KLF13: variants seen among roughly 807,000 people sequenced by gnomAD.
The protein encoded by KLF13 is Krueppel-like factor 13.
Under a neutral mutation model 16.7 loss-of-function variants are expected in KLF13, and 8 were observed. The observed-to-expected ratio is 0.48, with a 90% CI of 0.28 to 0.87. The LOEUF (loss-of-function observed/expected upper bound fraction) is 0.87, where lower values mean the gene tolerates loss of function less well. KLF13 is among the 40% of genes least tolerant of loss of function. The pLI is 0.10. For synonymous variants in KLF13, 245 were observed against 208.4 expected (o/e 1.18, Z -1.51); for missense variants, 447 against 452.2 (o/e 0.99, Z 0.10).
intron 1 of KLF13, among the ~76,000 whole-genome samples, chr15:31,410,387 C>A (rs1375815484): frequency 6.6e-6 from 1 of 151,690 alleles, no homozygotes; most frequent in Non-Finnish European, 1.5e-5. Context: ...AGATTTTAAT[C>A]AAAATCTATC....
intron 1 of KLF13, among the ~76,000 whole-genome samples, chr15:31,337,863 C>G (rs1202241955): frequency 1.3e-5 from 2 of 152,170 alleles, no homozygotes; most frequent in Admixed American, 6.5e-5. Context: ...TCTGGGTAAG[C>G]CTGAGGGGCT....
In KLF13 at chr15:31,353,724, G is replaced by C. The variant is rs534171473; in HGVS notation, c.578-18286G>C. Among the ~76,000 whole-genome samples, 91 of 152,318 alleles carry C rather than the reference G, an allele frequency of 6.0e-4. 1 individual carries two copies. In the Middle Eastern group the frequency reaches 0.01, roughly 17 times the overall value. On this transcript the variant is annotated intron_variant, in intron 1 of 1. Transcript: ENST00000307145. ...AGGGGGGCTGTGGTGGCTGTGGCCAGAGTTCCAACAGTGAGCTGGCAGGGC... is the reference window on the plus strand; with the variant it reads ...AGGGGGGCTGTGGTGGCTGTGGCCACAGTTCCAACAGTGAGCTGGCAGGGC...
rs2040350982 is a variant in KLF13 at position 31,423,102 on chromosome 15, TATAC to T, written n.118-12267_118-12264del. ...TTACATATATATACGTATATATACG[TATAC>T]GTATACGTATATATACGTATATATA... On this transcript the variant is annotated intron_variant and non_coding_transcript_variant, in intron 1 of 1. Coordinates refer to the KLF13 transcript ENST00000558225. Among the ~76,000 whole-genome samples the T allele has an allele frequency of 2.2e-5, 2 of 90,216 alleles. 1 individual carries two copies. The highest frequency in any genetic ancestry group is 4.9e-5 in the Non-Finnish European group (2 of 40,966). 59.2% of individuals were successfully genotyped at this position (90,216 alleles called of 152,430 possible).
At chr15:31,412,981 A>C (rs540635276) in intron 1 of KLF13, among the ~76,000 whole-genome samples, 3 of 152,236 alleles carry the variant, frequency 2.0e-5, no homozygotes, top group African/African-American at 7.2e-5. Context: ...CTTAGACCTC[A>C]GAAACGGTTC....
intron 1 of KLF13, among the ~76,000 whole-genome samples, chr15:31,431,472 A>C (rs529549066): frequency 6.7e-6 from 1 of 148,842 alleles, no homozygotes; most frequent in South Asian, 2.1e-4. Context: ...ACATGGTTAA[A>C]TTTTTTTTTT....
chr15:31,380,541 C>A (rs1166565843), downstream of KLF13, among the ~76,000 whole-genome samples: 1 of 152,148 alleles, frequency 6.6e-6, no homozygotes, highest in Non-Finnish European at 1.5e-5. Context: ...CCTTGTTGGT[C>A]ATGTTGGGGT....
chr15:31,399,184 A>T (rs1282769890), intron 2 of KLF13, among the ~76,000 whole-genome samples: 2 of 152,108 alleles, frequency 1.3e-5, no homozygotes, highest in East Asian at 3.9e-4. Context: ...TGTGGGGGCA[A>T]CCCACATGGC....
rs116643964 is a variant in KLF13 at position 31,412,308 on chromosome 15, A to C, written n.117+18617A>C. ...TGAGCAATAATTTTGTGTTGTTTGT[A>C]AGTTATCTGGTCTATGGTAATTTGT... On this transcript the variant is annotated intron_variant and non_coding_transcript_variant, in intron 1 of 1. Coordinates refer to the KLF13 transcript ENST00000558225. 7.8e-3 allele frequency among the ~76,000 whole-genome samples: 1,195 copies of C among 152,328 alleles called. 16 individuals carry two copies. The highest frequency in any genetic ancestry group is 0.028 in the African/African-American group (1,149 of 41,564).
chr15:31,360,311 C>T (rs1270324005), intron 1 of KLF13, among the ~76,000 whole-genome samples: 3 of 152,312 alleles, frequency 2.0e-5, no homozygotes, highest in African/African-American at 7.2e-5. Flanking sequence ...GCTTTGTCTC[C>T]TGAGAAGAGG....
Position 31,327,451 on chromosome 15 carries a change from C to T in KLF13, c.239C>T (p.Pro80Leu), listed in dbSNP as rs1018351613. Reference sequence around the variant, plus strand: ...AACCAGCAAGCGCCGGCGCCCGCCCCGGCGGAGCGCAGGGAGGGCGCCGCG... The same window carrying T: ...AACCAGCAAGCGCCGGCGCCCGCCCTGGCGGAGCGCAGGGAGGGCGCCGCG... ...DLNQQAPAPA[P>L]AERREGAAAR... The change falls in exon 1 of 2, where the codon CCG becomes CTG. Residue 80 changes from proline to leucine, a missense_variant. Pro to Leu is a moderately conservative substitution (Grantham distance 98, BLOSUM62 -3). Transcript: ENST00000307145. The T allele has an allele frequency of 1.0e-4, 124 of 1,187,116 alleles. 1 individual carries two copies. Among genetic ancestry groups the T allele is most frequent in the Middle Eastern group, 3.5e-4 (1 of 2,878 alleles). 73.5% of individuals were successfully genotyped at this position (1,187,116 alleles called of 1,614,324 possible). A position where few individuals can be genotyped will look rare whatever the true frequency, so the allele number is the denominator to read the frequency against.
At chr15:31,370,608 G>A (rs1160165191) in intron 1 of KLF13, among the ~76,000 whole-genome samples, 4 of 151,866 alleles carry the variant, frequency 2.6e-5, no homozygotes, top group South Asian at 2.1e-4. Flanking sequence ...TAGTAGAGAC[G>A]GGGTTTCACC....
At chr15:31,330,531 A>C (rs1380963093) in intron 1 of KLF13, among the ~76,000 whole-genome samples, 1 of 152,212 alleles carries the variant, frequency 6.6e-6, no homozygotes, top group Non-Finnish European at 1.5e-5. Flanking sequence ...GAGGTCAAGT[A>C]TGTGAAGACC....
At chr15:31,361,464 TA>T (rs2039383372) in intron 1 of KLF13, among the ~76,000 whole-genome samples, 4 of 152,040 alleles carry the variant, frequency 2.6e-5, no homozygotes, top group African/African-American at 7.2e-5. Flanking sequence ...TGCACCCCTG[TA>T]AAGAGTGTAC....
intron 1 of KLF13, among the ~76,000 whole-genome samples, chr15:31,384,055 G>A (rs889956031): frequency 8.5e-5 from 13 of 152,212 alleles, no homozygotes; most frequent in Non-Finnish European, 1.8e-4. Context: ...AGGTGAGGTA[G>A]GTTGCAAAAC....
intron 1 of KLF13, among the ~76,000 whole-genome samples, chr15:31,362,526 G>A (rs58905775): frequency 0.021 from 3,152 of 152,330 alleles, 108 homozygotes; most frequent in African/African-American, 0.072. Context: ...AATGGGGCCA[G>A]TAATGTGCCC....
chr15:31,380,265 A>C (rs1052004983), downstream of KLF13, among the ~76,000 whole-genome samples: 1 of 152,186 alleles, frequency 6.6e-6, no homozygotes, highest in African/African-American at 2.4e-5. Flanking sequence ...GCACTTCAGC[A>C]TGGACAACAA....
chr15:31,434,142 C>T (rs989387789), intron 1 of KLF13, among the ~76,000 whole-genome samples: 18 of 152,192 alleles, frequency 1.2e-4, no homozygotes, highest in African/African-American at 4.1e-4. Context: ...GTGCCAGGCT[C>T]GTTGCTTCGC....
intron 1 of KLF13, among the ~76,000 whole-genome samples, chr15:31,349,082 A>T (rs2039174556): frequency 6.6e-6 from 1 of 152,106 alleles, no homozygotes; most frequent in Non-Finnish European, 1.5e-5. Context: ...AGGCACAAAC[A>T]TTCAGCCTAT....
chr15:31,399,725 C>T (rs2040007859), intron 2 of KLF13, among the ~76,000 whole-genome samples: 1 of 152,202 alleles, frequency 6.6e-6, no homozygotes, highest in South Asian at 2.1e-4. Context: ...AGGGTGGGGT[C>T]GCTGTGGGGC....
Sources: gnomAD v4.1 joint callset for allele counts (sites outside exome capture counted in the v4.1 genomes callset) on GRCh38, gnomAD v4.1.1 for gene constraint, MANE v1.5 for transcripts, NCBI Gene and HGNC (gene_info 2026-07-23, HGNC 2026-07-21) for gene names.